PGR: variants seen among roughly 807,000 people sequenced by gnomAD.
The protein encoded by PGR is nuclear receptor subfamily 3 group C member 3.
PGR carries 25 observed loss-of-function variants against 76.1 expected under a neutral mutation model. The ratio of observed to expected loss-of-function variants is 0.33; its 90% CI spans 0.24 to 0.46. The LOEUF is 0.46. PGR is among the 20% of genes least tolerant of loss of function. The pLI is 1.00. For missense variants in PGR, 1,172 were observed against 1,225.3 expected (o/e 0.96, Z 0.65); for synonymous variants, 579 against 535.0 (o/e 1.08, Z -1.14).
At chr11:101,105,542 G>A (rs551993659) in intron 2 of PGR, among the ~76,000 whole-genome samples, 44 of 149,302 alleles carry the variant, frequency 2.9e-4, no homozygotes, top group African/African-American at 1.1e-3. Context: ...ACCTTTTCAA[G>A]GAGAACTACA....
intron 6 of PGR, among the ~76,000 whole-genome samples, chr11:101,049,271 T>C (rs1235088395): frequency 2.0e-5 from 3 of 152,154 alleles, no homozygotes; most frequent in Non-Finnish European, 4.4e-5. Flanking sequence ...GGGTGACGTA[T>C]GCCCTTTTCT....
intron 3 of PGR, among the ~76,000 whole-genome samples, chr11:101,085,525 T>TAAACA (rs1861464801): frequency 2.4e-5 from 1 of 42,274 alleles, no homozygotes. Flanking sequence ...CTAGAGGAAC[T>TAAACA]AAAAAAAAAA....
intron 4 of PGR, among the ~76,000 whole-genome samples, chr11:101,056,048 C>T (rs2135401341): frequency 6.6e-6 from 1 of 152,176 alleles, no homozygotes; most frequent in Non-Finnish European, 1.5e-5. Context: ...TATAGAAATG[C>T]TATTTTTTTC....
At chr11:101,114,665 A>G (rs546792755) in intron 2 of PGR, among the ~76,000 whole-genome samples, 2 of 151,524 alleles carry the variant, frequency 1.3e-5, no homozygotes, top group South Asian at 4.2e-4. Flanking sequence ...TGTACTTCCT[A>G]TTTCTGAAGG....
At chr11:101,111,699 A>G (rs1234976651) in intron 2 of PGR, among the ~76,000 whole-genome samples, 2 of 152,164 alleles carry the variant, frequency 1.3e-5, no homozygotes. Context: ...ACACTGGCTT[A>G]CCAGAGAAAA....
At chr11:101,077,111 C>A (rs969433427) in intron 3 of PGR, among the ~76,000 whole-genome samples, 1 of 151,616 alleles carries the variant, frequency 6.6e-6, no homozygotes, top group Non-Finnish European at 1.5e-5. Flanking sequence ...TATTCCCATC[C>A]TGAACAATCT....
In PGR at chr11:101,045,693, G is replaced by A. The variant is rs1007485301; in HGVS notation, c.2489-3591C>T. On this transcript the variant is annotated intron_variant, in intron 6 of 7. Transcript: ENST00000325455. ...TGTGTGTGTGTGTGTGTGTGTGTGT[G>A]TGTATGTATGTATATGTGTGAGTAC... 6.2e-5 allele frequency among the ~76,000 whole-genome samples: 9 copies of A among 145,568 alleles called. No homozygotes were observed. In the South Asian group the frequency reaches 1.3e-3, roughly 21 times the overall value.
chr11:101,040,467 T>C (rs1859660444), intron 7 of PGR, among the ~76,000 whole-genome samples: 2 of 152,072 alleles, frequency 1.3e-5, no homozygotes, highest in South Asian at 2.1e-4. Context: ...TAGGAGACCT[T>C]GCAAGTTGGA....
intron 3 of PGR, among the ~76,000 whole-genome samples, chr11:101,070,300 T>G (rs1382963740): frequency 6.6e-6 from 1 of 152,180 alleles, no homozygotes; most frequent in African/African-American, 2.4e-5. Flanking sequence ...GCCCAGATAC[T>G]ATGCTTTCCC....
chr11:101,044,253 A>C (rs1398099593), intron 6 of PGR, among the ~76,000 whole-genome samples: 3 of 152,070 alleles, frequency 2.0e-5, no homozygotes, highest in African/African-American at 7.2e-5. Context: ...TTCACCTTAT[A>C]CTTTGTTATG....
intron 2 of PGR, among the ~76,000 whole-genome samples, chr11:101,116,700 A>C (rs1161993297): frequency 6.9e-6 from 1 of 144,146 alleles, no homozygotes; most frequent in Non-Finnish European, 1.5e-5. Context: ...AGGTCAAACC[A>C]CTGCACTCCA....
intron 6 of PGR, among the ~76,000 whole-genome samples, chr11:101,044,700 CTTTTTTTTTTTTTT>C (rs34361620): frequency 4.0e-5 from 3 of 75,848 alleles, no homozygotes; most frequent in South Asian, 1.3e-3. Flanking sequence ...GGCCTAATTG[CTTTTTTTTTTTTTT>C]TTTTTTTTTT....
rs1212170649 is a variant in PGR, at chr11:101,034,556, G to A, written c.*4560C>T. 5.7e-6 allele frequency: 1 copy of A among 176,468 alleles called. No individual in the cohort carries two copies. The highest frequency in any genetic ancestry group is 1.2e-5 in the Non-Finnish European group (1 of 82,052). 10.9% of individuals were successfully genotyped at this position (176,468 alleles called of 1,614,324 possible). On this transcript the variant is annotated 3_prime_UTR_variant, in exon 8 of 8. Coordinates refer to ENST00000325455, the MANE Select transcript of PGR (RefSeq NM_000926.4). ...CCAGTGACAGGGTGGACAAATTATT[G>A]AAGAAAACTGTTCTTTCCTGCTTCT...
chr11:101,041,061 T>C lies in PGR; in HGVS notation c.2646+884A>G. On this transcript the variant is annotated intron_variant, in intron 7 of 7. Coordinates refer to ENST00000325455, the MANE Select transcript of PGR (RefSeq NM_000926.4). ...AAATGTCTGTTTTAAAAATGTTTTC[T>C]GTTCTCATGTCATGGATACCGTATC... Among the ~76,000 whole-genome samples, 2 of 151,474 alleles carry C rather than the reference T, an allele frequency of 1.3e-5. 1 individual carries two copies. Among genetic ancestry groups the C allele is most frequent in the Middle Eastern group, 6.8e-3 (2 of 292 alleles).
intron 2 of PGR, among the ~76,000 whole-genome samples, chr11:101,122,255 A>T (rs2135504037): frequency 6.6e-6 from 1 of 152,194 alleles, no homozygotes; most frequent in East Asian, 1.9e-4. Context: ...CAATTGTATT[A>T]TAACATGTGT....
Position 101,032,683 on chromosome 11 carries a change from T to G in PGR, c.*6433A>C. The G allele has an allele frequency of 4.7e-6, 1 of 213,544 alleles. No individual in the cohort carries two copies. Among genetic ancestry groups the G allele is most frequent in the Non-Finnish European group, 9.5e-6 (1 of 105,594 alleles). The allele number at this position is 213,544 out of a possible 1,614,324, so 13.2% of individuals were successfully genotyped here. Reference sequence around the variant, plus strand: ...GCTTTGACTTTTTTCAGGATGCCTCTGCTAACCCCTAAATTCAAGGTAGGT... The same window carrying G: ...GCTTTGACTTTTTTCAGGATGCCTCGGCTAACCCCTAAATTCAAGGTAGGT... On this transcript the variant is annotated 3_prime_UTR_variant, in exon 8 of 8. Coordinates refer to ENST00000325455, the MANE Select transcript of PGR (RefSeq NM_000926.4).
chr11:101,110,611 T>C (rs368817810), intron 2 of PGR, among the ~76,000 whole-genome samples: 1 of 152,198 alleles, frequency 6.6e-6, no homozygotes. Flanking sequence ...GCTGTGAGCA[T>C]TGTTGAAATG....
rs369471546 is a variant in PGR at position 101,127,725 on chromosome 11, G to A, written c.1346C>T (p.Ser449Leu). ...VTAAPASASV[S>L]SASSSGSTLE... ...GGTCGACCCCGAGGAGGACGCAGAC[G>A]AGACTGAGGCACTGGCGGGTGCGGC... is the stretch of plus-strand genomic sequence containing the variant. Residue 449 changes from serine to leucine, a missense_variant, in exon 1 of 8, where the codon TCG becomes TTG. Around this residue, in one of 4 missense-constraint regions of PGR, gnomAD observed 893 missense variants for 785.9 expected, o/e 1.14. Transcript: ENST00000325455. 1.3e-6 allele frequency: 2 copies of A among 1,585,992 alleles called. No homozygotes were observed. The highest frequency in any genetic ancestry group is 2.3e-5 in the East Asian group (1 of 44,258).
rs1463452757 is a variant in PGR at position 101,032,329 on chromosome 11, C to G, written c.*6787G>C. ...TCTCCCTGCTTCCAGGATTAGTCATCTCCAACTTTATTCTCCATATTCCAG... is the reference window on the plus strand; with the variant it reads ...TCTCCCTGCTTCCAGGATTAGTCATGTCCAACTTTATTCTCCATATTCCAG... On this transcript the variant is annotated 3_prime_UTR_variant, in exon 8 of 8. Coordinates refer to ENST00000325455, the MANE Select transcript of PGR (RefSeq NM_000926.4). 1 of 232,766 alleles carries G rather than the reference C, an allele frequency of 4.3e-6. No homozygotes were observed. Among genetic ancestry groups the G allele is most frequent in the Non-Finnish European group, 8.5e-6 (1 of 117,862 alleles). 14.4% of individuals were successfully genotyped at this position (232,766 alleles called of 1,614,324 possible). A position where few individuals can be genotyped will look rare whatever the true frequency, so the allele number is the denominator to read the frequency against.
Sources: allele counts gnomAD v4.1 joint callset (sites outside exome capture counted in the v4.1 genomes callset), GRCh38; gene constraint gnomAD v4.1.1; regional missense constraint gnomAD v4.1.1; transcripts MANE v1.5; gene names NCBI Gene and HGNC (gene_info 2026-07-23, HGNC 2026-07-21).